HYLS1: variants seen among roughly 807,000 people sequenced by gnomAD.
HYLS1 encodes the protein centriolar and ciliogenesis-associated protein HYLS1.
HYLS1 carries 25 observed loss-of-function variants against 29.4 expected under a neutral mutation model. That is an observed-to-expected ratio of 0.85 (90% confidence interval 0.62 to 1.19). HYLS1 has a LOEUF of 1.19. Ranked by LOEUF, HYLS1 falls within the 50% of genes most tolerant of loss-of-function variation. The pLI is 0.00. For missense variants in HYLS1, 352 were observed against 365.1 expected (o/e 0.96, Z 0.29); for synonymous variants, 128 against 126.7 (o/e 1.01, Z -0.07).
At chr11:125,898,243 A>G (rs1944648674) in intron 2 of HYLS1, among the ~76,000 whole-genome samples, 1 of 152,238 alleles carries the variant, frequency 6.6e-6, no homozygotes, top group Admixed American at 6.5e-5. Flanking sequence ...AAAGAAAAAT[A>G]GTGGGGACAC....
upstream of HYLS1, among the ~76,000 whole-genome samples, chr11:125,884,571 T>C (rs1355131322): frequency 1.3e-5 from 2 of 152,242 alleles, no homozygotes; most frequent in African/African-American, 4.8e-5. Flanking sequence ...ATAGCGCCAC[T>C]GCAGTCCGGC....
chr11:125,888,663 G>A (rs1944352765), intron 1 of HYLS1, among the ~76,000 whole-genome samples: 2 of 151,882 alleles, frequency 1.3e-5, no homozygotes, highest in African/African-American at 4.8e-5. Context: ...CAGCTCCTCG[G>A]GAGGCCGAGA....
Position 125,897,145 on chromosome 11 carries a change from G to T in HYLS1, c.-25-2199G>T, listed in dbSNP as rs545373061. 5.3e-5 allele frequency among the ~76,000 whole-genome samples: 8 copies of T among 152,244 alleles called. No homozygotes were observed. The East Asian group carries it at 1.3e-3, about 26-fold the overall frequency. On this transcript the variant is annotated intron_variant, in intron 2 of 2. Coordinates refer to ENST00000425380, the MANE Select transcript of HYLS1 (RefSeq NM_001134793.2). ...GGTCCTAGACAATCTGTGACTGATG[G>T]TTACTTTAGTTAGAGAAGACCATCT...
At position 125,899,349 on chromosome 11, in the gene HYLS1, C is replaced by G; in HGVS notation, c.-20C>G. On this transcript the variant is annotated 5_prime_UTR_variant, in exon 3 of 3. Coordinates refer to ENST00000425380, the MANE Select transcript of HYLS1 (RefSeq NM_001134793.2). ...ACCAATGTTATCTCTTGCAGAAGGT[C>G]CTACAGTGTAGGGGAAGCAATGGAA... 6.2e-7 allele frequency: 1 copy of G among 1,611,866 alleles called. No homozygotes were observed. The highest frequency in any genetic ancestry group is 8.5e-7 in the Non-Finnish European group (1 of 1,178,212).
At chr11:125,888,044 G>C (rs1244558822) in intron 1 of HYLS1, 3 of 152,342 alleles carry the variant, frequency 2.0e-5, no homozygotes, top group African/African-American at 7.2e-5. Context: ...TGCCCCGGTG[G>C]CCTTTCTGAG....
intron 2 of HYLS1, chr11:125,895,548 A>G: frequency 6.2e-7 from 1 of 1,614,214 alleles, no homozygotes; most frequent in Non-Finnish European, 8.5e-7. Flanking sequence ...ATCCATGGTT[A>G]CAATATCTAA....
chr11:125,890,135 T>TCTTG (rs1281461540), intron 1 of HYLS1, among the ~76,000 whole-genome samples: 1 of 151,440 alleles, frequency 6.6e-6, no homozygotes, highest in Non-Finnish European at 1.5e-5. Context: ...GAGATGGGGG[T>TCTTG]CTTGCTGTGT....
chr11:125,900,193 C>T lies in HYLS1; in HGVS notation c.825C>T (p.Leu275=), dbSNP rs1377994720. ...CAACAGAGAAGAAAAGGTCTGCACT[C>T]CGTTGGGGTGTTCGTTGTGACCTTG... is the stretch of plus-strand genomic sequence containing the variant. ...LVPTEKKRSA[L]RWGVRCDLAN... is the part of the protein sequence containing the mutation. Residue 275 remains leucine, a synonymous_variant, in exon 3 of 3, where the codon CTC becomes CTT. Coordinates refer to ENST00000425380, the MANE Select transcript of HYLS1 (RefSeq NM_001134793.2). 24 of 1,614,050 alleles carry T rather than the reference C, an allele frequency of 1.5e-5. No individual in the cohort carries two copies. Among genetic ancestry groups the T allele is most frequent in the East Asian group, 2.2e-5 (1 of 44,898 alleles).
rs1015774005 is a variant in HYLS1, at chr11:125,900,262, T to C, written c.894T>C (p.Pro298=). ...GGAAGCTTCCCTTCCCTCTTTCTCCTTCTTAAATCTTTTTAAACTTCTTTC... is the reference window on the plus strand; with the variant it reads ...GGAAGCTTCCCTTCCCTCTTTCTCCCTCTTAAATCTTTTTAAACTTCTTTC... ...IPRKLPFPLS[P]S The change falls in exon 3 of 3, where the codon CCT becomes CCC. Residue 298 remains proline, a synonymous_variant. Transcript: ENST00000425380. 2.0e-5 allele frequency: 33 copies of C among 1,613,796 alleles called. No homozygotes were observed. Among genetic ancestry groups the C allele is most frequent in the African/African-American group, 2.7e-5 (2 of 74,934 alleles).
At chr11:125,885,749 G>C (rs1368972900), upstream of HYLS1, among the ~76,000 whole-genome samples, 1 of 152,226 alleles carries the variant, frequency 6.6e-6, no homozygotes, top group African/African-American at 2.4e-5. Context: ...AGCTTCATCT[G>C]TTTCTACAGC....
chr11:125,886,380 G>A (rs1377607180), upstream of HYLS1, among the ~76,000 whole-genome samples: 3 of 152,132 alleles, frequency 2.0e-5, no homozygotes, highest in Admixed American at 1.3e-4. Flanking sequence ...CCCTCCCACT[G>A]AATCCTGGAT....
chr11:125,888,650 T>A (rs1482621411), intron 1 of HYLS1, among the ~76,000 whole-genome samples: 1 of 151,558 alleles, frequency 6.6e-6, no homozygotes, highest in Non-Finnish European at 1.5e-5. Flanking sequence ...GCGCCTGTAG[T>A]CCCAGCTCCT....
Position 125,899,752 on chromosome 11 carries a change from C to T in HYLS1, c.384C>T (p.Leu128=), listed in dbSNP as rs1277555811. ...CTGGTACAGAAAATGATCAGGATCT[C>T]TGGGACTTAAGACAAAGGCTGATGA... is the stretch of plus-strand genomic sequence containing the variant. The part of the protein sequence containing the change: ...SESGTENDQD[L]WDLRQRLMNV... The change falls in exon 3 of 3, where the codon CTC becomes CTT. Residue 128 remains leucine, a synonymous_variant. Coordinates refer to ENST00000425380, the MANE Select transcript of HYLS1 (RefSeq NM_001134793.2). 1 of 1,614,076 alleles carries T rather than the reference C, an allele frequency of 6.2e-7. No homozygotes were observed. Among genetic ancestry groups the T allele is most frequent in the African/African-American group, 1.3e-5 (1 of 74,920 alleles).
At chr11:125,886,906 G>A (rs753555323), upstream of HYLS1, among the ~76,000 whole-genome samples, 16 of 102,610 alleles carry the variant, frequency 1.6e-4, no homozygotes, top group Non-Finnish European at 2.9e-4. Context: ...GCAACAAGAG[G>A]GAAACTCCGT....
chr11:125,893,986 C>T, intron 2 of HYLS1: 2 of 1,614,112 alleles, frequency 1.2e-6, no homozygotes, highest in South Asian at 2.2e-5. Flanking sequence ...TAGGACGGTC[C>T]ATGAGGGGCT....
At chr11:125,895,169 T>TCCCAG in intron 2 of HYLS1, 1 of 1,426,446 alleles carries the variant, frequency 7.0e-7, no homozygotes. Flanking sequence ...GCCTCAAGCG[T>TCCCAG]CCCGAGTAGC....
At chr11:125,894,092 G>C in intron 2 of HYLS1, 1 of 1,614,002 alleles carries the variant, frequency 6.2e-7, no homozygotes. Context: ...ATCCATCTTT[G>C]GTCCTATTCC....
chr11:125,899,844 A>T lies in HYLS1; in HGVS notation c.476A>T (p.Glu159Val), dbSNP rs747723105. 4 of 1,614,192 alleles carry T rather than the reference A, an allele frequency of 2.5e-6. No individual in the cohort carries two copies. In the East Asian group the frequency reaches 8.9e-5, roughly 36 times the overall value. ...TCACAAAAATTTAACCTACCACATG[A>T]ATACCAAGGAATTTCTCAAGATCAG... ...DVSQKFNLPH[E>V]YQGISQDQLI... The change falls in exon 3 of 3, where the codon GAA (glutamate) becomes GTA (valine). Residue 159 changes from glutamate (E) to valine (V), a missense_variant. Transcript: ENST00000425380.
intron 2 of HYLS1, among the ~76,000 whole-genome samples, chr11:125,897,042 A>C (rs1306342522): frequency 1.3e-5 from 2 of 152,172 alleles, no homozygotes; most frequent in Non-Finnish European, 2.9e-5. Flanking sequence ...GTCTGATGTA[A>C]TGTAGATGTC....
Sources: allele counts gnomAD v4.1 joint callset (sites outside exome capture counted in the v4.1 genomes callset), GRCh38; gene constraint gnomAD v4.1.1; transcripts MANE v1.5; gene names NCBI Gene and HGNC (gene_info 2026-07-23, HGNC 2026-07-21).